SHISA9: variants seen among roughly 807,000 people sequenced by gnomAD.
The protein encoded by SHISA9 is protein shisa-9.
SHISA9 carries 13 observed loss-of-function variants against 38.0 expected under a neutral mutation model. The ratio of observed to expected loss-of-function variants is 0.34; its 90% CI spans 0.22 to 0.54. SHISA9 has a LOEUF of 0.54. SHISA9 is among the 20% of genes least tolerant of loss of function. SHISA9 has a pLI of 0.91. For synonymous variants in SHISA9, 275 were observed against 242.0 expected (o/e 1.14, Z -1.27); for missense variants, 538 against 575.8 (o/e 0.93, Z 0.67).
chr16:13,140,143 C>CCCTTCCCTG (rs1596675983), intron 2 of SHISA9, among the ~76,000 whole-genome samples: 1 of 9,724 alleles, frequency 1.0e-4, no homozygotes, highest in Non-Finnish European at 2.3e-4. Flanking sequence ...TCCCTTCCCT[C>CCCTTCCCTG]CCCTCCCCTC....
chr16:12,954,072 G>T (rs931589359), intron 2 of SHISA9, among the ~76,000 whole-genome samples: 17 of 152,118 alleles, frequency 1.1e-4, no homozygotes, highest in African/African-American at 4.1e-4. Flanking sequence ...GGAATTAACA[G>T]CCAAGTCCAC....
chr16:13,479,112 CT>C, the SHISA9 span, among the ~76,000 whole-genome samples: 1 of 152,134 alleles, frequency 6.6e-6, no homozygotes, highest in African/African-American at 2.4e-5. Context: ...CTTCTAACAG[CT>C]GCTTATATTC....
At chr16:13,325,670 A>T in the SHISA9 span, among the ~76,000 whole-genome samples, 48 of 152,298 alleles carry the variant, frequency 3.2e-4, no homozygotes, top group African/African-American at 1.1e-3. Flanking sequence ...GACGACTAGG[A>T]GAGTTGATAA....
intron 2 of SHISA9, among the ~76,000 whole-genome samples, chr16:12,933,107 G>A (rs2141745747): frequency 6.6e-6 from 1 of 152,226 alleles, no homozygotes; most frequent in Middle Eastern, 3.4e-3. Context: ...ATGTATAGTA[G>A]GTGATTAGCA....
At chr16:13,174,533 G>T (rs2050715181) in intron 2 of SHISA9, among the ~76,000 whole-genome samples, 1 of 152,222 alleles carries the variant, frequency 6.6e-6, no homozygotes, top group Non-Finnish European at 1.5e-5. Context: ...AGAACTGGGG[G>T]CAGGGATGAA....
chr16:13,072,997 C>A (rs1303544714), intron 2 of SHISA9, among the ~76,000 whole-genome samples: 1 of 152,120 alleles, frequency 6.6e-6, no homozygotes, highest in East Asian at 1.9e-4. Flanking sequence ...TGCTACTTTG[C>A]CCAGGCTGGT....
chr16:12,920,975 A>T (rs1283304794), intron 2 of SHISA9, among the ~76,000 whole-genome samples: 1 of 152,224 alleles, frequency 6.6e-6, no homozygotes, highest in East Asian at 1.9e-4. Context: ...GATTACAAAG[A>T]CTTTACTGCC....
chr16:13,103,176 T>G (rs1019619824), intron 2 of SHISA9, among the ~76,000 whole-genome samples: 1 of 152,150 alleles, frequency 6.6e-6, no homozygotes, highest in Admixed American at 6.5e-5. Flanking sequence ...TTGAATTTAG[T>G]GTGTCAGACT....
the SHISA9 span, among the ~76,000 whole-genome samples, chr16:13,369,263 T>C: frequency 6.6e-6 from 1 of 152,264 alleles, no homozygotes; most frequent in African/African-American, 2.4e-5. Context: ...TTCAGAGTAG[T>C]TGTCAACACC....
intron 2 of SHISA9, among the ~76,000 whole-genome samples, chr16:13,031,165 G>A (rs2141877269): frequency 6.6e-6 from 1 of 152,238 alleles, no homozygotes. Flanking sequence ...GAAATTACTG[G>A]GGATCCACAG....
At chr16:13,065,982 A>T (rs2073430107) in intron 2 of SHISA9, among the ~76,000 whole-genome samples, 1 of 152,222 alleles carries the variant, frequency 6.6e-6, no homozygotes, top group African/African-American at 2.4e-5. Flanking sequence ...AGCTTGTGAA[A>T]GGCTAGGGTT....
chr16:12,985,159 T>G (rs1596565197), intron 2 of SHISA9, among the ~76,000 whole-genome samples: 1 of 152,008 alleles, frequency 6.6e-6, no homozygotes, highest in Admixed American at 6.6e-5. Context: ...GGTGGTGTTT[T>G]GTATATATCT....
Position 13,204,210 on chromosome 16 carries a change from GTCTATCTA to G in SHISA9, c.847+694_847+701del, listed in dbSNP as rs199860829. Among the ~76,000 whole-genome samples the G allele has an allele frequency of 6.1e-3, 860 of 141,096 alleles. 19 individuals are homozygous for G. The highest frequency in any genetic ancestry group is 0.031 in the Admixed American group (438 of 14,200). 92.6% of individuals were successfully genotyped at this position (141,096 alleles called of 152,430 possible). A position where few individuals can be genotyped will look rare whatever the true frequency, so the allele number is the denominator to read the frequency against. The stretch of plus-strand genomic sequence containing the variant: ...CTATCTACCTATTATCTGTCTGTCT[GTCTATCTA>G]TCTATCTATCTATCTATCTATCTAT... On this transcript the variant is annotated intron_variant, in intron 3 of 4. Coordinates refer to ENST00000558583, the MANE Select transcript of SHISA9 (RefSeq NM_001145204.3).
At chr16:13,460,300 A>G in the SHISA9 span, among the ~76,000 whole-genome samples, 2 of 152,178 alleles carry the variant, frequency 1.3e-5, no homozygotes, top group Admixed American at 6.5e-5. Flanking sequence ...GAAGAATGGT[A>G]TCATCAGGGT....
At chr16:13,047,268 G>T (rs2141894746) in intron 2 of SHISA9, among the ~76,000 whole-genome samples, 1 of 151,948 alleles carries the variant, frequency 6.6e-6, no homozygotes, top group African/African-American at 2.4e-5. Context: ...GAAGAAGGGA[G>T]CCAGCTCACT....
chr16:13,303,037 G>A, the SHISA9 span, among the ~76,000 whole-genome samples: 1 of 152,156 alleles, frequency 6.6e-6, no homozygotes, highest in African/African-American at 2.4e-5. Context: ...CCAGTCTCGG[G>A]TATTCCTTTG....
chr16:12,942,924 C>G (rs1288191467), intron 2 of SHISA9, among the ~76,000 whole-genome samples: 1 of 152,120 alleles, frequency 6.6e-6, no homozygotes. Context: ...GGGGCTCTGA[C>G]TTTATGGCTC....
the SHISA9 span, among the ~76,000 whole-genome samples, chr16:13,475,259 T>C: frequency 4.0e-5 from 6 of 151,686 alleles, no homozygotes; most frequent in Non-Finnish European, 5.9e-5. Flanking sequence ...GAATCAAGGA[T>C]TGATGTTAGG....
chr16:12,916,557 A>T, intron 1 of SHISA9, 131 bp from the exon 2 acceptor site: 1 of 1,089,590 alleles, frequency 9.2e-7, no homozygotes, highest in Non-Finnish European at 1.3e-6. Flanking sequence ...TCTCTACTCC[A>T]CCCCTAACTA....
Sources: gnomAD v4.1 joint callset for allele counts (sites outside exome capture counted in the v4.1 genomes callset) on GRCh38, gnomAD v4.1.1 for gene constraint, MANE v1.5 for transcripts, NCBI Gene and HGNC (gene_info 2026-07-23, HGNC 2026-07-21) for gene names.